The following RPRD1A variants were observed in gnomAD, a reference collection of about 807,000 sequenced individuals.
RPRD1A encodes the protein regulation of nuclear pre-mRNA domain-containing protein 1A.
RPRD1A carries 9 observed loss-of-function variants against 37.8 expected under a neutral mutation model. That is an observed-to-expected ratio of 0.24 (90% CI 0.14 to 0.42). The LOEUF (loss-of-function observed/expected upper bound fraction) is 0.42. RPRD1A is among the 10% of genes least tolerant of loss of function. RPRD1A has a pLI of 1.00. For missense variants in RPRD1A, 255 were observed against 371.0 expected (o/e 0.69, Z 2.57); for synonymous variants, 138 against 139.7 (o/e 0.99, Z 0.08).
At position 36,046,832 on chromosome 18, in the gene RPRD1A, GA is replaced by G. The variant is rs759814914; in HGVS notation, c.152-12996del. On this transcript the variant is annotated intron_variant, in intron 1 of 6. Coordinates refer to ENST00000399022, the MANE Select transcript of RPRD1A (RefSeq NM_018170.5). ...CCTGGGTGACAGTGAGAGCCCATCT[GA>G]AAAAAAAAAACCTAGAGTCTCATAA... is the stretch of plus-strand genomic sequence containing the variant. 4.5e-3 allele frequency among the ~76,000 whole-genome samples: 579 copies of G among 129,568 alleles called. 2 individuals are homozygous for G. The highest frequency in any genetic ancestry group is 0.016 in the Middle Eastern group (4 of 254). 85.0% of individuals were successfully genotyped at this position (129,568 alleles called of 152,430 possible). A position where few individuals can be genotyped will look rare whatever the true frequency, so the allele number is the denominator to read the frequency against.
At chr18:36,010,699 G>A (rs1568119521) in intron 6 of RPRD1A, among the ~76,000 whole-genome samples, 1 of 152,322 alleles carries the variant, frequency 6.6e-6, no homozygotes, top group East Asian at 1.9e-4. Context: ...GGCAGGTGGG[G>A]GAATATGGGG....
chr18:36,055,759 T>C (rs1293091807), intron 1 of RPRD1A, among the ~76,000 whole-genome samples: 8 of 152,086 alleles, frequency 5.3e-5, no homozygotes, highest in Non-Finnish European at 1.5e-5. Flanking sequence ...GGAAGAGTAA[T>C]TGCTGAAGGG....
chr18:36,013,739 T>C (rs1402881767), intron 6 of RPRD1A, among the ~76,000 whole-genome samples: 2 of 152,182 alleles, frequency 1.3e-5, no homozygotes, highest in Admixed American at 1.3e-4. Flanking sequence ...TTCTGGAATA[T>C]CTTTACAAGT....
intron 6 of RPRD1A, among the ~76,000 whole-genome samples, chr18:36,004,939 G>A (rs62101379): frequency 0.23 from 35,266 of 151,692 alleles, 4,130 homozygotes; most frequent in East Asian, 0.25. Flanking sequence ...TTAAAAAATA[G>A]AAGACAATAT....
rs146987395 is a variant in RPRD1A at position 36,010,488 on chromosome 18, C to A, written c.789+16412G>T. Among the ~76,000 whole-genome samples, 368 of 151,914 alleles carry A rather than the reference C, an allele frequency of 2.4e-3. 4 individuals are homozygous for A. Among genetic ancestry groups the A allele is most frequent in the African/African-American group, 8.3e-3 (343 of 41,300 alleles). ...AGCCTGGGCAACAAACAGAATGAGA[C>A]CCTGTCTCAAAAAAAACAAAACAAA... On this transcript the variant is annotated intron_variant, in intron 6 of 6. Transcript: ENST00000399022.
At chr18:36,055,504 A>AT (rs1282327688) in intron 1 of RPRD1A, among the ~76,000 whole-genome samples, 1 of 152,166 alleles carries the variant, frequency 6.6e-6, no homozygotes, top group African/African-American at 2.4e-5. Context: ...CTCTTTAGAG[A>AT]TTTTTTACAA....
chr18:36,038,151 C>A (rs1258576454), intron 1 of RPRD1A, among the ~76,000 whole-genome samples: 5 of 152,242 alleles, frequency 3.3e-5, no homozygotes, highest in Non-Finnish European at 4.4e-5. Flanking sequence ...GCCAAATGTT[C>A]ATCCTCAAGA....
intron 6 of RPRD1A, among the ~76,000 whole-genome samples, chr18:36,020,021 G>A (rs61174559): frequency 1.3e-5 from 2 of 152,096 alleles, no homozygotes; most frequent in Non-Finnish European, 2.9e-5. Context: ...GCCTGGGTGA[G>A]AGAGTGAGAC....
intron 1 of RPRD1A, among the ~76,000 whole-genome samples, chr18:36,048,643 T>TA (rs756604231): frequency 9.0e-4 from 105 of 116,254 alleles, no homozygotes; most frequent in South Asian, 1.1e-3. Flanking sequence ...AAAAAGCACC[T>TA]AAAAAAAAAA....
intron 6 of RPRD1A, among the ~76,000 whole-genome samples, chr18:36,023,430 T>C (rs577574072): frequency 2.0e-3 from 301 of 152,300 alleles, no homozygotes; most frequent in African/African-American, 7.1e-3. Flanking sequence ...CTCATAAAAC[T>C]TGTTGGTGAG....
chr18:35,991,392 T>C lies in RPRD1A; in HGVS notation c.*1759A>G, dbSNP rs550554603. On this transcript the variant is annotated 3_prime_UTR_variant, in exon 7 of 7. Transcript: ENST00000399022. ...CATTTCCTACACCTAGGGACAGAGG[T>C]ACACAGACATCCCAGGGTGTGAGTG... The C allele has an allele frequency of 4.6e-5, 7 of 152,318 alleles. No individual in the cohort carries two copies. In the East Asian group the frequency reaches 1.3e-3, roughly 29 times the overall value. The allele number at this position is 152,318 out of a possible 1,614,324, so 9.4% of individuals were successfully genotyped here.
At chr18:36,014,048 TATATAA>T (rs1910342655) in intron 6 of RPRD1A, among the ~76,000 whole-genome samples, 2 of 152,172 alleles carry the variant, frequency 1.3e-5, no homozygotes, top group African/African-American at 4.8e-5. Flanking sequence ...ACAGTGTGAG[TATATAA>T]ATATACACAC....
At chr18:36,024,769 C>G (rs1911245402) in intron 6 of RPRD1A, 1 of 152,232 alleles carries the variant, frequency 6.6e-6, no homozygotes, top group Non-Finnish European at 1.5e-5. Context: ...CTTCACCTCT[C>G]AGTCTCAACT....
chr18:36,020,936 G>A (rs958301694), intron 6 of RPRD1A, among the ~76,000 whole-genome samples: 11 of 152,098 alleles, frequency 7.2e-5, no homozygotes, highest in African/African-American at 2.4e-4. Context: ...AGAAAGGACA[G>A]AAAATGCAGA....
chr18:35,998,146 G>A (rs1909196648), intron 6 of RPRD1A, among the ~76,000 whole-genome samples: 1 of 152,142 alleles, frequency 6.6e-6, no homozygotes, highest in South Asian at 2.1e-4. Flanking sequence ...ATCACCTGAG[G>A]TCACGAGTTC....
intron 6 of RPRD1A, chr18:36,025,950 C>T (rs1053929611): frequency 3.3e-5 from 7 of 210,474 alleles, no homozygotes; most frequent in African/African-American, 7.1e-5. Context: ...GGTATTTATA[C>T]GAGCAGAGAA....
intron 6 of RPRD1A, among the ~76,000 whole-genome samples, chr18:36,013,075 T>G (rs1910278498): frequency 6.6e-6 from 1 of 152,108 alleles, no homozygotes; most frequent in African/African-American, 2.4e-5. Flanking sequence ...AGAGGCAAGG[T>G]CCCAGTCAGA....
At chr18:36,048,681 T>C (rs1913140724) in intron 1 of RPRD1A, among the ~76,000 whole-genome samples, 1 of 151,642 alleles carries the variant, frequency 6.6e-6, no homozygotes, top group Non-Finnish European at 1.5e-5. Flanking sequence ...CAGCTAACAT[T>C]ACATCTAATG....
At chr18:36,022,768 C>G (rs997119277) in intron 6 of RPRD1A, among the ~76,000 whole-genome samples, 3 of 152,110 alleles carry the variant, frequency 2.0e-5, no homozygotes, top group Non-Finnish European at 4.4e-5. Context: ...TCAAGACTAG[C>G]CTGGGCAACA....
Sources: gnomAD v4.1 joint callset for allele counts (sites outside exome capture counted in the v4.1 genomes callset) on GRCh38, gnomAD v4.1.1 for gene constraint, MANE v1.5 for transcripts, NCBI Gene and HGNC (gene_info 2026-07-23, HGNC 2026-07-21) for gene names.